Variants in SHANK2 observed in about 807,000 individuals in gnomAD.
SHANK2 encodes SH3 and multiple ankyrin repeat domains 2.
In SHANK2, 43 loss-of-function variants were observed where a neutral mutation model predicts 133.7. The ratio of observed to expected loss-of-function variants is 0.32; its 90% CI spans 0.25 to 0.41. The LOEUF is 0.41. SHANK2 is among the 10% of genes least tolerant of loss of function. The pLI is 1.00. For synonymous variants in SHANK2, 1,017 were observed against 952.8 expected (o/e 1.07, Z -1.24); for missense variants, 1,994 against 2,235.8 (o/e 0.89, Z 2.18).
intron 14 of SHANK2, among the ~76,000 whole-genome samples, chr11:70,717,058 C>A (rs2134629753): frequency 6.6e-6 from 1 of 152,328 alleles, no homozygotes; most frequent in African/African-American, 2.4e-5. Flanking sequence ...CCACCGTTAC[C>A]ACGCGGAAGG....
chr11:70,838,937 C>G (rs1188428850), intron 11 of SHANK2, among the ~76,000 whole-genome samples: 1 of 152,202 alleles, frequency 6.6e-6, no homozygotes, highest in East Asian at 1.9e-4. Context: ...GGGGGCCCCT[C>G]TTCTGTCAAG....
intron 17 of SHANK2, among the ~76,000 whole-genome samples, chr11:70,572,692 G>A (rs2060060592): frequency 6.6e-6 from 1 of 152,152 alleles, no homozygotes; most frequent in African/African-American, 2.4e-5. Context: ...GGAAATGTGA[G>A]CTAAAGTCAC....
intron 2 of SHANK2, among the ~76,000 whole-genome samples, chr11:71,164,980 A>G (rs1953108970): frequency 6.6e-6 from 1 of 151,386 alleles, no homozygotes; most frequent in Non-Finnish European, 1.5e-5. Context: ...TATTATTCCA[A>G]TGTTTGTGGG....
chr11:70,757,467 G>A (rs530641745), intron 14 of SHANK2, among the ~76,000 whole-genome samples: 1 of 152,364 alleles, frequency 6.6e-6, no homozygotes, highest in South Asian at 2.1e-4. Context: ...CCCTGCGGCA[G>A]CAGCTCCCAT....
rs557345986 is a variant in SHANK2, at chr11:70,737,670, T to C, written c.1778-38907A>G. ...AGCCCAGGCCCCAGTGGGCAGCCAG[T>C]ATAGGACGGGCAGCCCGGGGCAGGG... On this transcript the variant is annotated intron_variant, in intron 14 of 25. Coordinates refer to ENST00000601538, the MANE Select transcript of SHANK2 (RefSeq NM_012309.5). Among the ~76,000 whole-genome samples, 12 of 152,250 alleles carry C rather than the reference T, an allele frequency of 7.9e-5. No individual in the cohort carries two copies. In the East Asian group the frequency reaches 2.1e-3, roughly 27 times the overall value.
chr11:71,124,067 G>A lies in SHANK2; in HGVS notation c.208-5035C>T, dbSNP rs1338858449. On this transcript the variant is annotated intron_variant, in intron 3 of 25. Coordinates refer to ENST00000601538, the MANE Select transcript of SHANK2 (RefSeq NM_012309.5). ...TGGCAGTGATGGTGGTGATAATGGT[G>A]ATGATGGAGATGTTGGTAATGGCGA... 2.7e-5 allele frequency among the ~76,000 whole-genome samples: 4 copies of A among 149,766 alleles called. No homozygotes were observed. In the East Asian group the frequency reaches 6.0e-4, roughly 23 times the overall value.
chr11:71,150,094 G>C (rs575079780), intron 2 of SHANK2, among the ~76,000 whole-genome samples: 3 of 5,656 alleles, frequency 5.3e-4, no homozygotes, highest in Non-Finnish European at 1.0e-3. Context: ...AAGGAAGGGA[G>C]GGAGAGGAAG....
chr11:70,946,629 T>C (rs1950743218), intron 10 of SHANK2, among the ~76,000 whole-genome samples: 1 of 130,916 alleles, frequency 7.6e-6, no homozygotes, highest in South Asian at 2.7e-4. Flanking sequence ...TTCCCCAGGC[T>C]CACCCTCCCT....
At chr11:71,227,978 T>G (rs2135753847) in intron 1 of SHANK2, among the ~76,000 whole-genome samples, 2 of 151,970 alleles carry the variant, frequency 1.3e-5, no homozygotes, top group Middle Eastern at 6.8e-3. Flanking sequence ...AAGCTGACTC[T>G]TTGTAAAAGT....
intron 17 of SHANK2, among the ~76,000 whole-genome samples, chr11:70,544,441 G>A (rs190090593): frequency 1.3e-5 from 2 of 152,332 alleles, no homozygotes; most frequent in Non-Finnish European, 2.9e-5. Context: ...GCCCCTGTCT[G>A]TCCCTGTGAG....
intron 15 of SHANK2, among the ~76,000 whole-genome samples, chr11:70,662,714 A>G (rs1229814186): frequency 6.6e-6 from 1 of 151,956 alleles, no homozygotes; most frequent in Non-Finnish European, 1.5e-5. Context: ...GAAAGAAACC[A>G]AAAAAGCTCC....
intron 17 of SHANK2, among the ~76,000 whole-genome samples, chr11:70,630,458 G>A (rs1300462808): frequency 6.6e-6 from 1 of 152,180 alleles, no homozygotes; most frequent in Non-Finnish European, 1.5e-5. Flanking sequence ...GCAAAGAGAC[G>A]GTAGTGGTTG....
At chr11:71,205,341 C>A (rs1409607217) in intron 2 of SHANK2, among the ~76,000 whole-genome samples, 4 of 152,186 alleles carry the variant, frequency 2.6e-5, no homozygotes, top group African/African-American at 9.6e-5. Context: ...AGGGTACTGA[C>A]CAGCACCACC....
At chr11:70,666,538 G>A (rs186534038) in intron 15 of SHANK2, among the ~76,000 whole-genome samples, 57 of 152,322 alleles carry the variant, frequency 3.7e-4, no homozygotes, top group African/African-American at 1.3e-3. Context: ...AGTTCTGTGT[G>A]CTGCCCTAGA....
intron 10 of SHANK2, among the ~76,000 whole-genome samples, chr11:70,933,749 G>A (rs1950532150): frequency 1.3e-5 from 2 of 151,326 alleles, no homozygotes; most frequent in South Asian, 4.2e-4. Flanking sequence ...GCGAAATCCT[G>A]TCTCTACTAA....
At chr11:70,502,736 C>CGGGG in intron 18 of SHANK2, 60 bp downstream of exon 18, 2 of 462,550 alleles carry the variant, frequency 4.3e-6, no homozygotes, top group Non-Finnish European at 6.7e-6. Flanking sequence ...GTCCTGCCCG[C>CGGGG]CCCCACCCCC....
At chr11:70,605,769 C>G (rs896480455) in intron 17 of SHANK2, among the ~76,000 whole-genome samples, 1 of 152,170 alleles carries the variant, frequency 6.6e-6, no homozygotes, top group African/African-American at 2.4e-5. Flanking sequence ...ATGTTTTCCT[C>G]CTGGAACCAG....
At chr11:70,932,606 C>T (rs1315302267) in intron 10 of SHANK2, among the ~76,000 whole-genome samples, 1 of 152,236 alleles carries the variant, frequency 6.6e-6, no homozygotes, top group East Asian at 1.9e-4. Flanking sequence ...CACCCTCAAG[C>T]ATTCAATCTT....
chr11:70,653,586 A>AG (rs1315351710), intron 17 of SHANK2, among the ~76,000 whole-genome samples: 15 of 151,418 alleles, frequency 9.9e-5, no homozygotes, highest in Admixed American at 5.9e-4. Context: ...AAAAAAAAAA[A>AG]AAAGAAAGAA....
Sources: gnomAD v4.1 joint callset for allele counts (sites outside exome capture counted in the v4.1 genomes callset) on GRCh38, gnomAD v4.1.1 for gene constraint, MANE v1.5 for transcripts, NCBI Gene and HGNC (gene_info 2026-07-23, HGNC 2026-07-21) for gene names.